The following MTNAP1 variants were observed in gnomAD, a reference collection of about 807,000 sequenced individuals.
MTNAP1 encodes mitochondrial nucleoid-associated protein 1.
the MTNAP1 span, among the ~76,000 whole-genome samples, chr17:73,246,836 G>A: frequency 1.3e-5 from 2 of 152,128 alleles, no homozygotes; most frequent in Non-Finnish European, 2.9e-5. Flanking sequence ...GAACTTCATT[G>A]GAACCCAGAA....
chr17:73,233,527 T>TAA, the MTNAP1 span, among the ~76,000 whole-genome samples: 3 of 152,202 alleles, frequency 2.0e-5, no homozygotes, highest in Non-Finnish European at 4.4e-5. Flanking sequence ...TTCATCCTGT[T>TAA]AGTGTGTACC....
At chr17:73,247,310 G>C in the MTNAP1 span, 6 of 1,614,138 alleles carry the variant, frequency 3.7e-6, no homozygotes, top group Non-Finnish European at 5.1e-6. Flanking sequence ...AAGACGACTG[G>C]GGATTGCCGC....
chr17:73,239,825 C>T, the MTNAP1 span, among the ~76,000 whole-genome samples: 3 of 152,100 alleles, frequency 2.0e-5, no homozygotes, highest in Non-Finnish European at 2.9e-5. Context: ...CTGGCCTGAG[C>T]TTCAGACATT....
chr17:73,239,393 G>GT, the MTNAP1 span, among the ~76,000 whole-genome samples: 2 of 151,938 alleles, frequency 1.3e-5, no homozygotes, highest in African/African-American at 4.8e-5. Flanking sequence ...GGGACCTGAC[G>GT]TTTATCTGTG....
At chr17:73,236,128 C>A in the MTNAP1 span, 1 of 1,614,180 alleles carries the variant, frequency 6.2e-7, no homozygotes, top group Non-Finnish European at 8.5e-7. Flanking sequence ...AAGACAGGAA[C>A]TTCTAGTAAA....
At chr17:73,242,172 T>C in the MTNAP1 span, 1 of 1,006,558 alleles carries the variant, frequency 9.9e-7, no homozygotes, top group Non-Finnish European at 1.5e-6. Flanking sequence ...CCGTGGATCC[T>C]TCGGCACTGG....
At chr17:73,234,955 C>G in the MTNAP1 span, among the ~76,000 whole-genome samples, 1 of 152,146 alleles carries the variant, frequency 6.6e-6, no homozygotes, top group Non-Finnish European at 1.5e-5. Context: ...GTAGCTCGCG[C>G]CTGTAATCTC....
chr17:73,235,729 G>A, the MTNAP1 span: 7,902 of 1,614,152 alleles, frequency 4.9e-3, 333 homozygotes, highest in African/African-American at 0.093. Flanking sequence ...TAAGTTGGTG[G>A]TGGACAAACC....
the MTNAP1 span, among the ~76,000 whole-genome samples, chr17:73,239,860 G>T: frequency 6.6e-6 from 1 of 152,170 alleles, no homozygotes; most frequent in African/African-American, 2.4e-5. Context: ...TGTTCATGCA[G>T]TAAGTGACAG....
At chr17:73,236,115 C>G in the MTNAP1 span, 8 of 1,614,048 alleles carry the variant, frequency 5.0e-6, no homozygotes, top group Non-Finnish European at 5.9e-6. Flanking sequence ...AAATTGATCC[C>G]CAAAGACAGG....
At chr17:73,235,881 A>G in the MTNAP1 span, 2,051 of 1,614,098 alleles carry the variant, frequency 1.3e-3, 2 homozygotes, top group Non-Finnish European at 1.6e-3. Flanking sequence ...CTACTTTCCA[A>G]GAAGAAACCA....
the MTNAP1 span, among the ~76,000 whole-genome samples, chr17:73,241,299 A>G: frequency 0.51 from 77,674 of 151,824 alleles, 19,974 homozygotes; most frequent in East Asian, 0.62. Context: ...CTGGGACTAC[A>G]AGCGCCCGCC....
the MTNAP1 span, chr17:73,245,840 G>A: frequency 9.7e-6 from 5 of 514,848 alleles, no homozygotes; most frequent in East Asian, 1.5e-4. Flanking sequence ...ATAATGAACC[G>A]GTGGCTAATG....
At chr17:73,237,427 C>A in the MTNAP1 span, among the ~76,000 whole-genome samples, 1 of 125,636 alleles carries the variant, frequency 8.0e-6, no homozygotes, top group East Asian at 2.0e-4. Flanking sequence ...GGGAATGAGA[C>A]CCTGTCTCAA....
At chr17:73,240,068 T>TA in the MTNAP1 span, among the ~76,000 whole-genome samples, 1 of 152,228 alleles carries the variant, frequency 6.6e-6, no homozygotes, top group Non-Finnish European at 1.5e-5. Flanking sequence ...ATGTTATTGA[T>TA]ACATTTCACT....
At chr17:73,248,760 C>A in the MTNAP1 span, 2 of 502,222 alleles carry the variant, frequency 4.0e-6, no homozygotes, top group Non-Finnish European at 7.1e-6. Context: ...AACCTCGGGG[C>A]GGCCTTGTTT....
At chr17:73,248,130 G>A in the MTNAP1 span, 11 of 234,768 alleles carry the variant, frequency 4.7e-5, no homozygotes, top group East Asian at 1.1e-4. Context: ...AAGTTGCCTC[G>A]TGAGGATACA....
chr17:73,247,060 C>T, the MTNAP1 span, among the ~76,000 whole-genome samples: 1 of 152,162 alleles, frequency 6.6e-6, no homozygotes, highest in Non-Finnish European at 1.5e-5. Context: ...CTGTGACCCA[C>T]GGACCAAAGC....
the MTNAP1 span, among the ~76,000 whole-genome samples, chr17:73,242,574 AAT>A: frequency 6.6e-6 from 1 of 152,296 alleles, no homozygotes; most frequent in African/African-American, 2.4e-5. Flanking sequence ...TGTATTTTTT[AAT>A]ACCTACCCCC....
Sources: gnomAD v4.1 joint callset for allele counts (sites outside exome capture counted in the v4.1 genomes callset) on GRCh38, gnomAD v4.1.1 for gene constraint, MANE v1.5 for transcripts, NCBI Gene and HGNC (gene_info 2026-07-23, HGNC 2026-07-21) for gene names.